Variants in SLCO5A1 observed in about 807,000 individuals in gnomAD.
SLCO5A1 encodes organic anion transporter polypeptide-related protein 4.
In SLCO5A1, 39 loss-of-function variants were observed where a neutral mutation model predicts 65.1. The ratio of observed to expected loss-of-function variants is 0.60; its 90% CI spans 0.46 to 0.78. SLCO5A1 has a LOEUF of 0.78. Ranked by LOEUF, SLCO5A1 falls within the 30% of genes least tolerant of loss-of-function variation. The probability of loss-of-function intolerance (pLI) is 0.00; values close to 1 mark genes in which losing one functional copy is unlikely to be tolerated. For missense variants in SLCO5A1, 1,029 were observed against 1,069.4 expected, an observed-to-expected ratio of 0.96 and a Z score of 0.53; for synonymous variants, 438 against 415.7, an observed-to-expected ratio of 1.05 and a Z score of -0.65.
chr8:69,729,373 G>A (rs577784864), intron 5 of SLCO5A1, among the ~76,000 whole-genome samples: 1 of 150,454 alleles, frequency 6.6e-6, no homozygotes, highest in African/African-American at 2.4e-5. Context: ...CAACCCGGGA[G>A]GCGGAACTTG....
chr8:69,782,218 A>G (rs1401986062), intron 2 of SLCO5A1, among the ~76,000 whole-genome samples: 1 of 152,054 alleles, frequency 6.6e-6, no homozygotes, highest in Non-Finnish European at 1.5e-5. Context: ...TGTATCCCAG[A>G]ACTTAAAGTA....
intron 5 of SLCO5A1, among the ~76,000 whole-genome samples, chr8:69,722,146 G>C (rs1396958793): frequency 6.6e-6 from 1 of 152,064 alleles, no homozygotes; most frequent in Non-Finnish European, 1.5e-5. Context: ...TCTGCAGCCT[G>C]GGTGACAGAG....
At position 69,748,446 on chromosome 8, in the gene SLCO5A1, A is replaced by T. The variant is rs73285593; in HGVS notation, c.1258+6978T>A. 3.7e-3 allele frequency among the ~76,000 whole-genome samples: 569 copies of T among 152,362 alleles called. 5 individuals carry two copies. Among genetic ancestry groups the T allele is most frequent in the African/African-American group, 0.013 (524 of 41,584 alleles). On this transcript the variant is annotated intron_variant, in intron 4 of 9. Coordinates refer to ENST00000260126, the MANE Select transcript of SLCO5A1 (RefSeq NM_030958.3). ...CTTTCACCTCCTAAGCTGCAAGTCC[A>T]AATCTAAAGATGTGGCTTACTACCA...
intron 5 of SLCO5A1, among the ~76,000 whole-genome samples, chr8:69,721,356 A>G (rs1320767775): frequency 2.6e-5 from 4 of 152,212 alleles, no homozygotes; most frequent in African/African-American, 9.6e-5. Flanking sequence ...ATATTCTCAA[A>G]AAGTATATAA....
At chr8:69,765,533 T>G (rs557266215) in intron 2 of SLCO5A1, among the ~76,000 whole-genome samples, 1 of 152,106 alleles carries the variant, frequency 6.6e-6, no homozygotes, top group African/African-American at 2.4e-5. Flanking sequence ...GCACTAACAT[T>G]AGTGGATTAA....
At chr8:69,712,530 A>G (rs1380894713) in intron 5 of SLCO5A1, among the ~76,000 whole-genome samples, 1 of 152,206 alleles carries the variant, frequency 6.6e-6, no homozygotes, top group Non-Finnish European at 1.5e-5. Flanking sequence ...CAAAGGAGAG[A>G]ACAAAATTAG....
At position 69,746,203 on chromosome 8, in the gene SLCO5A1, C is replaced by T. The variant is rs1345754966; in HGVS notation, c.1259-7999G>A. 2.0e-5 allele frequency among the ~76,000 whole-genome samples: 3 copies of T among 151,720 alleles called. No individual in the cohort carries two copies. The East Asian group carries it at 5.8e-4, about 29-fold the overall frequency. On this transcript the variant is annotated intron_variant, in intron 4 of 9. Transcript: ENST00000260126. ...GAGTTCTTAGTCCTGTAGTGATTGT[C>T]CAATAAAGATATTTGTGAAAAAGAA...
intron 5 of SLCO5A1, among the ~76,000 whole-genome samples, chr8:69,730,601 C>A (rs1429031978): frequency 6.6e-6 from 1 of 152,184 alleles, no homozygotes; most frequent in African/African-American, 2.4e-5. Flanking sequence ...AAATCATCAA[C>A]GTGCATCTGT....
In SLCO5A1 at chr8:69,747,865, A is replaced by G. The variant is rs189605903; in HGVS notation, c.1258+7559T>C. On this transcript the variant is annotated intron_variant, in intron 4 of 9. Coordinates refer to ENST00000260126, the MANE Select transcript of SLCO5A1 (RefSeq NM_030958.3). ...TGCATGATCCTGTATGTTCTTGAGCATTTGGCAGATACAACTTTTCCATGC... is the reference window on the plus strand; with the variant it reads ...TGCATGATCCTGTATGTTCTTGAGCGTTTGGCAGATACAACTTTTCCATGC... Among the ~76,000 whole-genome samples the G allele has an allele frequency of 3.9e-5, 6 of 152,310 alleles. No homozygotes were observed. In the East Asian group the frequency reaches 9.6e-4, roughly 24 times the overall value.
At chr8:69,817,977 T>C (rs540212882) in intron 2 of SLCO5A1, among the ~76,000 whole-genome samples, 2 of 152,008 alleles carry the variant, frequency 1.3e-5, no homozygotes, top group African/African-American at 4.8e-5. Context: ...ATATCAAGAG[T>C]TCTACCAAAA....
rs756901725 is a variant in SLCO5A1, at chr8:69,832,121, C to T, written c.553G>A (p.Val185Ile). Residue 185 changes from valine to isoleucine, a missense_variant, in exon 2 of 10, where the codon GTC becomes ATC. Around this residue, in one of 3 missense-constraint regions of SLCO5A1, gnomAD observed 647 missense variants for 647.5 expected, o/e 1.00. Transcript: ENST00000260126. This position sits in a 1 kb window ranked among gnomAD's most constrained non-coding sequence, Gnocchi z 4.5. ...DIGNLVVVVFVSYFGGRGRRP... is the reference protein window; with the variant it reads ...DIGNLVVVVFISYFGGRGRRP... ...CGACCCCGGCCGCCGAAGTAGCTGA[C>T]GAACACCACCACCACCAGGTTCCCG... 3 of 1,614,142 alleles carry T rather than the reference C, an allele frequency of 1.9e-6. No homozygotes were observed. The highest frequency in any genetic ancestry group is 2.5e-6 in the Non-Finnish European group (3 of 1,180,040).
intron 5 of SLCO5A1, among the ~76,000 whole-genome samples, chr8:69,725,880 A>T (rs548004717): frequency 3.9e-5 from 6 of 152,152 alleles, no homozygotes; most frequent in South Asian, 2.1e-4. Context: ...ATCTTTCTCA[A>T]CCTGACTTCT....
intron 2 of SLCO5A1, among the ~76,000 whole-genome samples, chr8:69,789,010 C>T (rs1209515919): frequency 6.6e-6 from 1 of 152,232 alleles, no homozygotes; most frequent in African/African-American, 2.4e-5. Flanking sequence ...CTTCTAAATA[C>T]TATCTGTCTC....
At chr8:69,797,621 C>CGTGG (rs974855776) in intron 2 of SLCO5A1, among the ~76,000 whole-genome samples, 1 of 150,846 alleles carries the variant, frequency 6.6e-6, no homozygotes, top group African/African-American at 2.5e-5. Context: ...ATGGCCACTT[C>CGTGG]GTGGCGGGGG....
chr8:69,751,959 G>A (rs1214758603), intron 4 of SLCO5A1, among the ~76,000 whole-genome samples: 1 of 152,196 alleles, frequency 6.6e-6, no homozygotes, highest in Admixed American at 6.5e-5. Flanking sequence ...AGCCAAGCGT[G>A]GTGGCTCACA....
In SLCO5A1 at chr8:69,811,197, G is replaced by A. The variant is rs76685156; in HGVS notation, c.907+20570C>T. The stretch of plus-strand genomic sequence containing the variant: ...TTGGAGACATAATCAGAGATTTTAA[G>A]GTCCAGAACTGGATAGAGAAAGCAT... On this transcript the variant is annotated intron_variant, in intron 2 of 9. Transcript: ENST00000260126. Among the ~76,000 whole-genome samples, 647 of 152,256 alleles carry A rather than the reference G, an allele frequency of 4.2e-3. 5 individuals carry two copies. The highest frequency in any genetic ancestry group is 0.022 in the South Asian group (107 of 4,826).
intron 2 of SLCO5A1, chr8:69,794,366 A>T: frequency 2.3e-6 from 1 of 427,866 alleles, no homozygotes; most frequent in Non-Finnish European, 4.6e-6. Flanking sequence ...CTGCTCTCCT[A>T]CTATTTATCA....
chr8:69,755,186 AT>A (rs1817487435), intron 4 of SLCO5A1, among the ~76,000 whole-genome samples: 1 of 152,228 alleles, frequency 6.6e-6, no homozygotes, highest in South Asian at 2.1e-4. Context: ...ATGATGAATT[AT>A]TTAAAAATTA....
chr8:69,783,074 G>C (rs1402902586), intron 2 of SLCO5A1, among the ~76,000 whole-genome samples: 1 of 151,988 alleles, frequency 6.6e-6, no homozygotes, highest in African/African-American at 2.4e-5. Flanking sequence ...TGTACATAAA[G>C]CCCTTCACAC....
Sources: gnomAD v4.1 joint callset for allele counts (sites outside exome capture counted in the v4.1 genomes callset) on GRCh38, gnomAD v4.1.1 for gene constraint, gnomAD v4.1.1 regional missense constraint, Gnocchi (gnomAD v3.1) non-coding constraint, MANE v1.5 for transcripts, NCBI Gene and HGNC (gene_info 2026-07-23, HGNC 2026-07-21) for gene names.